LIMD1: variants seen among roughly 807,000 people sequenced by gnomAD.
LIMD1 encodes the protein LIM domain-containing protein 1.
A neutral mutation model predicts 58.4 loss-of-function variants in LIMD1; 23 were observed. The ratio of observed to expected loss-of-function variants is 0.39; its 90% CI spans 0.28 to 0.56. The LOEUF is 0.56. Among genes scored for constraint, LIMD1 ranks in the 20% least tolerant of loss-of-function variants. The probability of loss-of-function intolerance (pLI) is 0.57; values close to 1 mark genes in which losing one functional copy is unlikely to be tolerated. For synonymous variants in LIMD1, 334 were observed against 345.5 expected (o/e 0.97, Z 0.37); for missense variants, 838 against 855.5 (o/e 0.98, Z 0.25).
intron 1 of LIMD1, among the ~76,000 whole-genome samples, chr3:45,598,752 C>A (rs1218254457): frequency 6.6e-6 from 1 of 152,138 alleles, no homozygotes; most frequent in East Asian, 1.9e-4. Context: ...AATGTCCCAC[C>A]TAGAAGATGC....
intron 6 of LIMD1, chr3:45,673,766 A>G: frequency 2.0e-6 from 1 of 505,466 alleles, no homozygotes; most frequent in Non-Finnish European, 3.6e-6. Context: ...ATTGTTAAAA[A>G]TTGGCCAAGT....
chr3:45,652,346 T>C (rs1701983229), intron 2 of LIMD1, among the ~76,000 whole-genome samples: 1 of 152,246 alleles, frequency 6.6e-6, no homozygotes, highest in African/African-American at 2.4e-5. Context: ...ATAGAAACAA[T>C]AGCTTTTAAT....
chr3:45,653,983 G>A (rs1214030826), intron 2 of LIMD1, among the ~76,000 whole-genome samples: 4 of 151,348 alleles, frequency 2.6e-5, no homozygotes, highest in African/African-American at 9.7e-5. Flanking sequence ...GAAGTAGATT[G>A]GTTAGAATTT....
chr3:45,618,042 G>A (rs1575347653), intron 1 of LIMD1, among the ~76,000 whole-genome samples: 2 of 152,110 alleles, frequency 1.3e-5, no homozygotes, highest in East Asian at 1.9e-4. Flanking sequence ...TTCCCTTCTG[G>A]TTCCGTGTGG....
At chr3:45,616,901 A>C (rs1452847586) in intron 1 of LIMD1, among the ~76,000 whole-genome samples, 1 of 150,822 alleles carries the variant, frequency 6.6e-6, no homozygotes. Flanking sequence ...TGCCCAGCTA[A>C]TTTTTGTATT....
chr3:45,664,278 C>T (rs1697483022), intron 2 of LIMD1, among the ~76,000 whole-genome samples: 1 of 152,184 alleles, frequency 6.6e-6, no homozygotes. Flanking sequence ...AATGCTGGGA[C>T]TACAGACGTG....
chr3:45,604,553 A>G (rs1214125650), intron 1 of LIMD1, among the ~76,000 whole-genome samples: 4 of 152,092 alleles, frequency 2.6e-5, no homozygotes, highest in Non-Finnish European at 5.9e-5. Context: ...CACTCCTCTC[A>G]CTGTGACCTT....
chr3:45,595,229 T>C lies in LIMD1; in HGVS notation c.350T>C (p.Val117Ala), dbSNP rs1701332350. ...GCCTCGACAGGGGCACCTGGGGCAGTCACCACCCTCGCTGCTGGGCAGCCC... is the reference window on the plus strand; with the variant it reads ...GCCTCGACAGGGGCACCTGGGGCAGCCACCACCCTCGCTGCTGGGCAGCCC... ...LAASTGAPGA[V>A]TTLAAGQPPY... The change falls in exon 1 of 8, where the codon GTC becomes GCC. Residue 117 changes from valine (V) to alanine (A), a missense_variant. Val to Ala is a moderately conservative substitution (Grantham distance 64, BLOSUM62 0). Around this residue, in one of 3 missense-constraint regions of LIMD1, gnomAD observed 659 missense variants for 639.8 expected, o/e 1.03. Transcript: ENST00000273317. 2 of 1,603,186 alleles carry C rather than the reference T, an allele frequency of 1.2e-6. No homozygotes were observed. Among genetic ancestry groups the C allele is most frequent in the Non-Finnish European group, 1.7e-6 (2 of 1,174,526 alleles).
At chr3:45,629,948 T>G (rs1203749162) in intron 1 of LIMD1, among the ~76,000 whole-genome samples, 2 of 152,216 alleles carry the variant, frequency 1.3e-5, no homozygotes, top group African/African-American at 2.4e-5. Flanking sequence ...GTACAGCTTA[T>G]TATATGCTAC....
chr3:45,658,535 CTTTTTTTTTTTTTTTTTT>C (rs10572210), intron 2 of LIMD1, among the ~76,000 whole-genome samples: 14 of 44,758 alleles, frequency 3.1e-4, no homozygotes, highest in South Asian at 1.5e-3. Context: ...CATGCAGATT[CTTTTTTTTTTTTTTTTTT>C]TTTTTTTTTT....
At chr3:45,655,666 A>G (rs1056701316) in intron 2 of LIMD1, among the ~76,000 whole-genome samples, 4 of 152,190 alleles carry the variant, frequency 2.6e-5, no homozygotes, top group East Asian at 1.9e-4. Context: ...CTGTGTTTCA[A>G]CAAACTCACC....
At chr3:45,665,778 T>G in intron 3 of LIMD1, 61 bp downstream of exon 3, 2 of 1,384,240 alleles carry the variant, frequency 1.4e-6, no homozygotes, top group Non-Finnish European at 2.0e-6. Flanking sequence ...GGCAGGGGCC[T>G]GGGGGGACCT....
At chr3:45,619,834 C>CCT in intron 1 of LIMD1, among the ~76,000 whole-genome samples, 1 of 135,694 alleles carries the variant, frequency 7.4e-6, no homozygotes, top group Non-Finnish European at 1.6e-5. Flanking sequence ...CCCCGCCCCC[C>CCT]CCCCCAAAAA....
intron 1 of LIMD1, among the ~76,000 whole-genome samples, chr3:45,612,068 G>GTGCTCT (rs1553643062): frequency 3.4e-5 from 3 of 89,312 alleles, no homozygotes; most frequent in Non-Finnish European, 9.2e-5. Flanking sequence ...TTGCAGGTGC[G>GTGCTCT]CGCTCTCTCT....
At position 45,636,289 on chromosome 3, in the gene LIMD1, C is replaced by A. The variant is rs759142475; in HGVS notation, c.1510+38C>A. ...GTGGGTGTCGGGTGTGTGGGGGATG[C>A]GTAAGGAACATGGGAACCGAGAAAG... On this transcript the variant is annotated intron_variant, in intron 2 of 7. Coordinates refer to ENST00000273317, the MANE Select transcript of LIMD1 (RefSeq NM_014240.3). The A allele has an allele frequency of 6.2e-6, 9 of 1,451,696 alleles. No individual in the cohort carries two copies. In the East Asian group the frequency reaches 2.1e-4, roughly 34 times the overall value. The allele number at this position is 1,451,696 out of a possible 1,614,324, so 89.9% of individuals were successfully genotyped here. A position where few individuals can be genotyped will look rare whatever the true frequency, so the allele number is the denominator to read the frequency against.
At chr3:45,665,611 T>A in intron 2 of LIMD1, 39 bp from the exon 3 acceptor site, 7 of 1,565,362 alleles carry the variant, frequency 4.5e-6, no homozygotes, top group Non-Finnish European at 6.1e-6. Context: ...ATATTAAAAT[T>A]TTTCTTTTTT....
chr3:45,636,109 G>A (rs1701785479), intron 1 of LIMD1, 41 bp from the exon 2 acceptor site: 1 of 1,609,082 alleles, frequency 6.2e-7, no homozygotes, highest in South Asian at 1.1e-5. Context: ...AGTTTACACT[G>A]GTTCCCTCCT....
At chr3:45,642,596 C>T (rs978489095) in intron 2 of LIMD1, among the ~76,000 whole-genome samples, 5 of 152,144 alleles carry the variant, frequency 3.3e-5, no homozygotes, top group East Asian at 1.9e-4. Context: ...TTTAGAGTTG[C>T]GATCATAGTA....
intron 1 of LIMD1, chr3:45,635,793 C>A: frequency 2.4e-6 from 1 of 416,698 alleles, no homozygotes; most frequent in Non-Finnish European, 3.2e-6. Context: ...AACCTGCATG[C>A]TTGGCATATT....
Sources: gnomAD v4.1 joint callset for allele counts (sites outside exome capture counted in the v4.1 genomes callset) on GRCh38, gnomAD v4.1.1 for gene constraint, gnomAD v4.1.1 regional missense constraint, MANE v1.5 for transcripts, NCBI Gene and HGNC (gene_info 2026-07-23, HGNC 2026-07-21) for gene names.